The following C11orf65 variants were observed in gnomAD, a reference collection of about 807,000 sequenced individuals.
C11orf65 encodes protein MFI.
Under a neutral mutation model 35.3 loss-of-function variants are expected in C11orf65, and 38 were observed. That is an observed-to-expected ratio of 1.08 (90% confidence interval 0.83 to 1.41). C11orf65 has a LOEUF of 1.41. C11orf65 is among the 40% of genes most tolerant of loss of function. The probability of loss-of-function intolerance (pLI) is 0.00; values close to 1 mark genes in which losing one functional copy is unlikely to be tolerated. For synonymous variants in C11orf65, 105 were observed against 114.4 expected (o/e 0.92, Z 0.53); for missense variants, 370 against 367.1 (o/e 1.01, Z -0.06).
At chr11:108,447,227 G>A (rs1285247059) in intron 2 of C11orf65, among the ~76,000 whole-genome samples, 2 of 152,034 alleles carry the variant, frequency 1.3e-5, no homozygotes, top group South Asian at 4.1e-4. Context: ...AGATCAACGA[G>A]ACAGAAAGTT....
intron 6 of C11orf65, among the ~76,000 whole-genome samples, chr11:108,314,628 T>G (rs1385449701): frequency 1.3e-5 from 2 of 152,138 alleles, no homozygotes; most frequent in African/African-American, 4.8e-5. Context: ...TTGAACAGTG[T>G]AAGGGTTAGA....
At chr11:108,461,626 T>C in intron 1 of C11orf65, 58 bp from the exon 2 acceptor site, 1 of 1,126,446 alleles carries the variant, frequency 8.9e-7, no homozygotes, top group Non-Finnish European at 1.3e-6. Flanking sequence ...ACTTTCATTT[T>C]TATTTATTTA....
At chr11:108,450,050 T>C (rs1029131981) in intron 2 of C11orf65, among the ~76,000 whole-genome samples, 17 of 152,090 alleles carry the variant, frequency 1.1e-4, no homozygotes, top group East Asian at 5.8e-4. Context: ...CATCACTGGC[T>C]GTCAGAGAAA....
At chr11:108,429,614 C>T (rs2092956873) in intron 3 of C11orf65, among the ~76,000 whole-genome samples, 1 of 152,056 alleles carries the variant, frequency 6.6e-6, no homozygotes, top group African/African-American at 2.4e-5. Flanking sequence ...ATGGAATTAC[C>T]ATATGATCCA....
intron 2 of C11orf65, among the ~76,000 whole-genome samples, chr11:108,443,332 T>C (rs1454761610): frequency 6.6e-6 from 1 of 152,172 alleles, no homozygotes; most frequent in Admixed American, 6.6e-5. Context: ...AAGCAAGTCC[T>C]GAGTGACCTA....
chr11:108,432,564 C>A (rs1036532672), intron 2 of C11orf65, among the ~76,000 whole-genome samples: 2 of 152,122 alleles, frequency 1.3e-5, no homozygotes, highest in Non-Finnish European at 2.9e-5. Context: ...TCTTTGGTAA[C>A]TCTCCCCTCA....
intron 2 of C11orf65, among the ~76,000 whole-genome samples, chr11:108,460,337 G>A (rs2093458390): frequency 6.6e-6 from 1 of 152,106 alleles, no homozygotes; most frequent in African/African-American, 2.4e-5. Context: ...AGAGAGAAAA[G>A]AGTGAGGTCA....
At chr11:108,357,414 C>A (rs546747875) in intron 2 of C11orf65, among the ~76,000 whole-genome samples, 3 of 152,196 alleles carry the variant, frequency 2.0e-5, no homozygotes, top group Non-Finnish European at 4.4e-5. Flanking sequence ...ACAAAGCAGC[C>A]GGGAAGCTCG....
At chr11:108,310,938 A>G (rs1346335019) in intron 6 of C11orf65, among the ~76,000 whole-genome samples, 1 of 152,148 alleles carries the variant, frequency 6.6e-6, no homozygotes, top group Non-Finnish European at 1.5e-5. Flanking sequence ...ATAAAGTAAA[A>G]CACTTTATTA....
chr11:108,442,456 A>G (rs930787038), intron 2 of C11orf65, among the ~76,000 whole-genome samples: 1 of 152,208 alleles, frequency 6.6e-6, no homozygotes, highest in African/African-American at 2.4e-5. Flanking sequence ...CAAAATTCAA[A>G]TTCAGGAAAT....
chr11:108,449,517 G>GAA (rs1473815927), intron 2 of C11orf65, among the ~76,000 whole-genome samples: 3 of 151,908 alleles, frequency 2.0e-5, no homozygotes, highest in Admixed American at 6.6e-5. Context: ...ACAAACCTGA[G>GAA]AAAAACAAGC....
chr11:108,415,981 T>C lies in C11orf65; in HGVS notation c.175-8832A>G, dbSNP rs1219347294. 5.3e-5 allele frequency among the ~76,000 whole-genome samples: 8 copies of C among 152,156 alleles called. No individual in the cohort carries two copies. The East Asian group carries it at 1.5e-3, about 29-fold the overall frequency. On this transcript the variant is annotated intron_variant, in intron 3 of 8. Coordinates refer to ENST00000393084, the MANE Select transcript of C11orf65 (RefSeq NM_152587.5). ...TCACAAAACAGTAACTAAAACTGGA[T>C]CATAACTTAAATGTAAAATGCAAAA...
chr11:108,308,891 CAGA>C, exon 7 of C11orf65: 1 of 808,294 alleles, frequency 1.2e-6, no homozygotes, highest in Admixed American at 2.3e-5. Flanking sequence ...GGAGGCCTAT[CAGA>C]AGCTTTAATG....
At chr11:108,330,261 T>C (rs1555123032), downstream of C11orf65, 2 of 1,614,204 alleles carry the variant, frequency 1.2e-6, no homozygotes, top group Non-Finnish European at 1.7e-6. Flanking sequence ...GAATTAGCCC[T>C]GCGTGCACTG....
intron 2 of C11orf65, among the ~76,000 whole-genome samples, chr11:108,433,194 C>T (rs369386951): frequency 6.1e-4 from 92 of 151,608 alleles, no homozygotes; most frequent in African/African-American, 2.1e-3. Context: ...CAATGGCTCA[C>T]GCCTGTAATC....
chr11:108,459,726 T>TACACACACACACACAC (rs60928526), intron 2 of C11orf65, among the ~76,000 whole-genome samples: 1,808 of 138,614 alleles, frequency 0.013, 21 homozygotes, highest in Non-Finnish European at 0.017. Flanking sequence ...GTCCTCCGTC[T>TACACACACACACACAC]ACACACACAC....
intron 3 of C11orf65, chr11:108,332,765 C>G (rs138941496): frequency 6.2e-7 from 1 of 1,612,174 alleles, no homozygotes; most frequent in Non-Finnish European, 8.5e-7. Flanking sequence ...TTAATAGGAT[C>G]GAACAGAGGC....
At chr11:108,369,197 T>C (rs1372559659) in intron 2 of C11orf65, 1 of 155,418 alleles carries the variant, frequency 6.4e-6, no homozygotes. Context: ...AAGGCAGGCA[T>C]AGTCTGCCTA....
At chr11:108,424,581 CT>C (rs1266256329) in intron 3 of C11orf65, among the ~76,000 whole-genome samples, 1 of 152,110 alleles carries the variant, frequency 6.6e-6, no homozygotes, top group African/African-American at 2.4e-5. Flanking sequence ...TAACACCCCC[CT>C]GTCAACATTA....
Sources: gnomAD v4.1 joint callset for allele counts (sites outside exome capture counted in the v4.1 genomes callset) on GRCh38, gnomAD v4.1.1 for gene constraint, MANE v1.5 for transcripts, NCBI Gene and HGNC (gene_info 2026-07-23, HGNC 2026-07-21) for gene names.